Variants in ATRNL1 observed in about 807,000 individuals in gnomAD.
The protein encoded by ATRNL1 is attractin like 1, also known as attractin-like protein 1.
Under a neutral mutation model 182.7 loss-of-function variants are expected in ATRNL1, and 95 were observed. That is an observed-to-expected ratio of 0.52 (90% confidence interval 0.44 to 0.62). ATRNL1 has a LOEUF of 0.62. Among genes scored for constraint, ATRNL1 ranks in the 20% least tolerant of loss-of-function variants. The pLI, the probability that ATRNL1 is intolerant of heterozygous loss-of-function variation, is 0.00. For synonymous variants in ATRNL1, 576 were observed against 568.3 expected, an observed-to-expected ratio of 1.01 and a Z score of -0.19; for missense variants, 1,471 against 1,679.5, an observed-to-expected ratio of 0.88 and a Z score of 2.17.
chr10:115,117,615 G>T (rs781826961), intron 1 of ATRNL1, among the ~76,000 whole-genome samples: 1 of 152,032 alleles, frequency 6.6e-6, no homozygotes, highest in African/African-American at 2.4e-5. Flanking sequence ...TGATGGACAC[G>T]TAGGTTGCTT....
At chr10:115,617,098 A>G (rs1452441350) in intron 26 of ATRNL1, among the ~76,000 whole-genome samples, 13 of 152,214 alleles carry the variant, frequency 8.5e-5, no homozygotes, top group Admixed American at 6.5e-5. Flanking sequence ...ATCATGTAGA[A>G]TAACCCCTGC....
chr10:115,649,795 T>C (rs1322907164), intron 26 of ATRNL1, among the ~76,000 whole-genome samples: 1 of 152,174 alleles, frequency 6.6e-6, no homozygotes, highest in African/African-American at 2.4e-5. Context: ...AGGTCAAATT[T>C]AAAATTTGTG....
At chr10:115,203,745 A>ATTTTTTTTTTTTT (rs71476116) in intron 8 of ATRNL1, among the ~76,000 whole-genome samples, 10 of 106,048 alleles carry the variant, frequency 9.4e-5, no homozygotes, top group Admixed American at 2.4e-4. Context: ...ATGCCTGGCT[A>ATTTTTTTTTTTTT]TTTTTTTTTT....
chr10:115,656,900 T>G (rs531090631), intron 26 of ATRNL1, among the ~76,000 whole-genome samples: 1 of 152,332 alleles, frequency 6.6e-6, no homozygotes, highest in Non-Finnish European at 1.5e-5. Context: ...TTGTTTTAAT[T>G]ACTCCTTCTT....
intron 19 of ATRNL1, among the ~76,000 whole-genome samples, chr10:115,365,516 T>C (rs1210099816): frequency 2.6e-5 from 4 of 152,300 alleles, no homozygotes; most frequent in African/African-American, 9.6e-5. Flanking sequence ...GTGTCTCTAT[T>C]TCCTTCAATT....
intron 28 of ATRNL1, among the ~76,000 whole-genome samples, chr10:115,916,681 G>C (rs1220206607): frequency 6.6e-5 from 10 of 152,138 alleles, no homozygotes; most frequent in Admixed American, 6.6e-4. Context: ...TTCTTTAGGA[G>C]AGAGATCCCG....
chr10:115,646,765 TCTG>T (rs1165568180), intron 26 of ATRNL1, among the ~76,000 whole-genome samples: 2 of 152,008 alleles, frequency 1.3e-5, no homozygotes, highest in Non-Finnish European at 2.9e-5. Context: ...TATTATCTAA[TCTG>T]CTTTATTTTT....
intron 10 of ATRNL1, among the ~76,000 whole-genome samples, chr10:115,258,054 C>T (rs1024579927): frequency 5.3e-5 from 8 of 152,136 alleles, no homozygotes; most frequent in African/African-American, 1.7e-4. Flanking sequence ...TTTCCATCAT[C>T]TCAACCTTGG....
intron 25 of ATRNL1, among the ~76,000 whole-genome samples, chr10:115,547,435 G>A (rs963419523): frequency 3.3e-5 from 5 of 151,982 alleles, no homozygotes; most frequent in African/African-American, 1.2e-4. Context: ...TTGAAACTAA[G>A]AAATCTTTTA....
At chr10:115,537,100 G>GT (rs1270832244) in intron 25 of ATRNL1, among the ~76,000 whole-genome samples, 1 of 152,148 alleles carries the variant, frequency 6.6e-6, no homozygotes, top group African/African-American at 2.4e-5. Context: ...TTTCTCCATG[G>GT]TTTTTTTGTG....
At chr10:115,232,999 G>A (rs1592297067) in intron 9 of ATRNL1, among the ~76,000 whole-genome samples, 1 of 152,174 alleles carries the variant, frequency 6.6e-6, no homozygotes, top group Non-Finnish European at 1.5e-5. Context: ...AAAGGCTCCA[G>A]GGAAGAATCC....
intron 26 of ATRNL1, among the ~76,000 whole-genome samples, chr10:115,669,323 A>G (rs1945619375): frequency 1.3e-5 from 2 of 152,240 alleles, no homozygotes; most frequent in South Asian, 4.1e-4. Context: ...AGCAGATACA[A>G]CCTGTTAATA....
chr10:115,142,275 T>A (rs1845783304), intron 5 of ATRNL1, among the ~76,000 whole-genome samples: 1 of 152,092 alleles, frequency 6.6e-6, no homozygotes, highest in African/African-American at 2.4e-5. Context: ...GCAAGAGAGT[T>A]CAACCATATA....
chr10:115,564,781 C>T (rs1853974118), intron 26 of ATRNL1, among the ~76,000 whole-genome samples: 2 of 151,882 alleles, frequency 1.3e-5, no homozygotes, highest in Non-Finnish European at 2.9e-5. Context: ...TTATTTTATA[C>T]ATACAGAAGC....
chr10:115,306,818 T>C (rs535430677), intron 17 of ATRNL1, among the ~76,000 whole-genome samples: 1 of 152,182 alleles, frequency 6.6e-6, no homozygotes, highest in Non-Finnish European at 1.5e-5. Flanking sequence ...TTGAAATAAG[T>C]TTTTTGAGAA....
chr10:115,663,318 C>T (rs1388197558), intron 26 of ATRNL1, among the ~76,000 whole-genome samples: 1 of 151,992 alleles, frequency 6.6e-6, no homozygotes, highest in Non-Finnish European at 1.5e-5. Context: ...TAGACCCTTA[C>T]TATGTATATT....
At chr10:115,691,499 A>T (rs2133973535) in intron 26 of ATRNL1, among the ~76,000 whole-genome samples, 1 of 152,288 alleles carries the variant, frequency 6.6e-6, no homozygotes, top group South Asian at 2.1e-4. Flanking sequence ...AGGCAGGTGG[A>T]TCACCTGAGT....
chr10:115,496,968 C>A (rs1554978483), intron 24 of ATRNL1, among the ~76,000 whole-genome samples: 1 of 152,140 alleles, frequency 6.6e-6, no homozygotes, highest in Non-Finnish European at 1.5e-5. Context: ...AAGTTGCTGG[C>A]TTTCTCTCCC....
intron 27 of ATRNL1, among the ~76,000 whole-genome samples, chr10:115,772,370 C>T (rs1452928359): frequency 1.3e-5 from 2 of 152,058 alleles, no homozygotes; most frequent in African/African-American, 2.4e-5. Context: ...CTTACGAAAA[C>T]GTGAACTTTA....
Sources: allele counts gnomAD v4.1 joint callset (sites outside exome capture counted in the v4.1 genomes callset), GRCh38; gene constraint gnomAD v4.1.1; transcripts MANE v1.5; gene names NCBI Gene and HGNC (gene_info 2026-07-23, HGNC 2026-07-21).